IL6ST: variants seen among roughly 807,000 people sequenced by gnomAD.
IL6ST encodes interleukin 6 cytokine family signal transducer.
A neutral mutation model predicts 91.3 loss-of-function variants in IL6ST; 24 were observed. The observed-to-expected ratio is 0.26, with a 90% CI of 0.19 to 0.37. The LOEUF is 0.37. IL6ST is among the 10% of genes least tolerant of loss of function. IL6ST has a pLI of 1.00. For missense variants in IL6ST, 914 were observed against 1,078.5 expected, an observed-to-expected ratio of 0.85 and a Z score of 2.14; for synonymous variants, 351 against 373.6, an observed-to-expected ratio of 0.94 and a Z score of 0.70.
In IL6ST at chr5:55,957,206, T is replaced by C. The variant is rs755415933; in HGVS notation, c.1056+3A>G. 13 of 1,431,296 alleles carry C rather than the reference T, an allele frequency of 9.1e-6. No homozygotes were observed. The highest frequency in any genetic ancestry group is 1.2e-5 in the Non-Finnish European group (13 of 1,049,128). The allele number at this position is 1,431,296 out of a possible 1,614,324, so 88.7% of individuals were successfully genotyped here. On this transcript the variant is annotated splice_donor_region_variant and intron_variant, in intron 9 of 16. Coordinates refer to ENST00000381298, the MANE Select transcript of IL6ST (RefSeq NM_002184.4). ...GAGATAAAATATAAATGTGATTTTTTACCTTCCACACGAGTTGTACAGTTC... is the reference window on the plus strand; with the variant it reads ...GAGATAAAATATAAATGTGATTTTTCACCTTCCACACGAGTTGTACAGTTC...
chr5:55,983,254 G>A (rs1159813829), intron 1 of IL6ST, among the ~76,000 whole-genome samples: 1 of 152,008 alleles, frequency 6.6e-6, no homozygotes, highest in Non-Finnish European at 1.5e-5. Flanking sequence ...CCAAAGTGTT[G>A]GGATTACAGG....
At chr5:55,969,320 G>A (rs1752818236) in intron 4 of IL6ST, among the ~76,000 whole-genome samples, 1 of 151,520 alleles carries the variant, frequency 6.6e-6, no homozygotes, top group South Asian at 2.1e-4. Context: ...ACTTTCCTGT[G>A]GTGGGGGGGG....
chr5:55,957,218 G>T lies in IL6ST; in HGVS notation c.1047C>A (p.Leu349=). 1 of 1,493,986 alleles carries T rather than the reference G, an allele frequency of 6.7e-7. No homozygotes were observed. The highest frequency in any genetic ancestry group is 9.1e-7 in the Non-Finnish European group (1 of 1,101,340). 92.5% of individuals were successfully genotyped at this position (1,493,986 alleles called of 1,614,324 possible). A position where few individuals can be genotyped will look rare whatever the true frequency, so the allele number is the denominator to read the frequency against. The change falls in exon 9 of 17, where the codon CTC becomes CTA. Residue 349 remains leucine (L), a synonymous_variant. Transcript: ENST00000381298. ...SHTQGYRTVQ[L]VWKTLPPFEA... ...AAATGTGATTTTTTACCTTCCACAC[G>T]AGTTGTACAGTTCTGTAGCCTTGAG...
rs1209391470 is a variant in IL6ST, at chr5:55,969,764, T to C, written c.156A>G (p.Glu52=). The change falls in exon 4 of 17, where the codon GAA becomes GAG. Residue 52 remains glutamate (E), a synonymous_variant. Coordinates refer to ENST00000381298, the MANE Select transcript of IL6ST (RefSeq NM_002184.4). ...SNFTAVCVLK[E]KCMDYFHVNA... ...TTACATGAAAATAATCCATACATTT[T>C]TCCTTTAGCACACAAACTGCAGTGA... 6.2e-7 allele frequency: 1 copy of C among 1,611,560 alleles called. No homozygotes were observed. Among genetic ancestry groups the C allele is most frequent in the African/African-American group, 1.3e-5 (1 of 74,888 alleles).
intron 3 of IL6ST, among the ~76,000 whole-genome samples, chr5:55,974,696 G>A (rs1245316022): frequency 6.6e-6 from 1 of 152,090 alleles, no homozygotes; most frequent in Non-Finnish European, 1.5e-5. Flanking sequence ...ATGTTGGCCA[G>A]GCTAGTCTTG....
intron 2 of IL6ST, among the ~76,000 whole-genome samples, chr5:55,982,095 A>G (rs1030489991): frequency 1.3e-5 from 2 of 152,192 alleles, no homozygotes; most frequent in East Asian, 3.8e-4. Context: ...TCATTTCCAT[A>G]TGTTTTCTCA....
chr5:55,935,914 G>A lies in IL6ST; in HGVS notation c.*5168C>T, dbSNP rs931310489. ...TATCATACACATTAGGATAAGATGA[G>A]CCACCACACCTTAAAGAAATCAGGC... On this transcript the variant is annotated 3_prime_UTR_variant, in exon 17 of 17. Coordinates refer to ENST00000381298, the MANE Select transcript of IL6ST (RefSeq NM_002184.4). 1.4e-5 allele frequency: 3 copies of A among 219,254 alleles called. No individual in the cohort carries two copies. The highest frequency in any genetic ancestry group is 2.7e-5 in the Non-Finnish European group (3 of 109,438). The allele number at this position is 219,254 out of a possible 1,614,324, so 13.6% of individuals were successfully genotyped here. A position where few individuals can be genotyped will look rare whatever the true frequency, so the allele number is the denominator to read the frequency against.
intron 15 of IL6ST, among the ~76,000 whole-genome samples, chr5:55,945,097 C>A (rs967999448): frequency 2.0e-5 from 3 of 146,960 alleles, no homozygotes; most frequent in Non-Finnish European, 4.5e-5. Flanking sequence ...TTAAATCTGA[C>A]CTATAGATTC....
chr5:55,992,985 G>A (rs930892022), intron 1 of IL6ST, among the ~76,000 whole-genome samples: 1 of 152,136 alleles, frequency 6.6e-6, no homozygotes, highest in Non-Finnish European at 1.5e-5. Flanking sequence ...GGTAGTAATT[G>A]CTTAGTATTT....
intron 3 of IL6ST, among the ~76,000 whole-genome samples, chr5:55,971,418 C>G (rs1384135354): frequency 6.6e-6 from 1 of 152,190 alleles, no homozygotes; most frequent in East Asian, 1.9e-4. Flanking sequence ...AGTTACTGTT[C>G]TAAAATAATT....
chr5:55,969,494 A>G, intron 4 of IL6ST, 56 bp downstream of exon 4: 1 of 1,127,736 alleles, frequency 8.9e-7, no homozygotes. Flanking sequence ...GACAACATTA[A>G]AAATGCAGTT....
intron 5 of IL6ST, among the ~76,000 whole-genome samples, chr5:55,966,653 T>C (rs556995599): frequency 6.6e-6 from 1 of 152,170 alleles, no homozygotes; most frequent in Non-Finnish European, 1.5e-5. Flanking sequence ...CACTATGAAA[T>C]ACATAAAAAA....
At chr5:55,947,325 A>G (rs1484576955) in intron 15 of IL6ST, among the ~76,000 whole-genome samples, 168 bp downstream of exon 15, 1 of 152,186 alleles carries the variant, frequency 6.6e-6, no homozygotes, top group East Asian at 1.9e-4. Flanking sequence ...GAAGCTTTAT[A>G]AAAGTGATGA....
chr5:55,964,233 A>C lies in IL6ST; in HGVS notation c.571T>G (p.Phe191Val). 6.2e-7 allele frequency: 1 copy of C among 1,610,998 alleles called. No individual in the cohort carries two copies. Among genetic ancestry groups the C allele is most frequent in the Middle Eastern group, 1.7e-4 (1 of 5,758 alleles). Reference protein sequence around the residue: ...SCTVDYSTVYFVNIEVWVEAE... With the variant: ...SCTVDYSTVYVVNIEVWVEAE... ...TCTACCCAGACTTCAATGTTGACAA[A>C]ATACACAGTAGAATAATCAACAGTG... The change falls in exon 6 of 17, where the codon TTT becomes GTT. Residue 191 changes from phenylalanine to valine, a missense_variant. Physicochemically the swap from Phe to Val is conservative, Grantham distance 50 (BLOSUM62 -1). Transcript: ENST00000381298.
chr5:55,941,746 G>T lies in IL6ST; in HGVS notation c.2093C>A (p.Ala698Glu), dbSNP rs745818447. 5 of 1,613,808 alleles carry T rather than the reference G, an allele frequency of 3.1e-6. No individual in the cohort carries two copies. The South Asian group carries it at 3.3e-5, about 11-fold the overall frequency. Reference sequence around the variant, plus strand: ...TTCTGGAAAAGGCTTTTTGTCATTTGCTTCTATTTCCACAACACTTACATC... The same window carrying T: ...TTCTGGAAAAGGCTTTTTGTCATTTTCTTCTATTTCCACAACACTTACATC... ...FTDVSVVEIE[A>E]NDKKPFPEDL... Residue 698 changes from alanine to glutamate, a missense_variant, in exon 17 of 17, where the codon GCA becomes GAA. By Grantham distance (107) the Ala-to-Glu change is moderately radical. Transcript: ENST00000381298.
At chr5:55,981,146 C>T (rs926461664) in intron 2 of IL6ST, among the ~76,000 whole-genome samples, 5 of 152,188 alleles carry the variant, frequency 3.3e-5, no homozygotes, top group African/African-American at 9.6e-5. Context: ...ACAAGCAAAG[C>T]GAACTAGGCA....
At chr5:55,989,416 G>A (rs1452461730) in intron 1 of IL6ST, among the ~76,000 whole-genome samples, 4 of 152,148 alleles carry the variant, frequency 2.6e-5, no homozygotes, top group South Asian at 2.1e-4. Context: ...ACTCATGCAC[G>A]TGCACATGCA....
In IL6ST at chr5:55,938,000, G is replaced by A. The variant is rs761054947; in HGVS notation, c.*3082C>T. ...TTCTACTTCTACATTTACATGTCATGGTTTTAACTAGTTAAATGGGTAGAA... is the reference window on the plus strand; with the variant it reads ...TTCTACTTCTACATTTACATGTCATAGTTTTAACTAGTTAAATGGGTAGAA... On this transcript the variant is annotated 3_prime_UTR_variant, in exon 17 of 17. Transcript: ENST00000381298. 1.6e-5 allele frequency: 3 copies of A among 191,286 alleles called. No homozygotes were observed. Among genetic ancestry groups the A allele is most frequent in the Non-Finnish European group, 3.3e-5 (3 of 91,438 alleles). The allele number at this position is 191,286 out of a possible 1,614,324, so 11.8% of individuals were successfully genotyped here. A position where few individuals can be genotyped will look rare whatever the true frequency, so the allele number is the denominator to read the frequency against.
At chr5:55,957,320 TA>T in intron 8 of IL6ST, 29 bp from the exon 9 acceptor site, 2 of 1,154,878 alleles carry the variant, frequency 1.7e-6, no homozygotes, top group Non-Finnish European at 1.3e-6. Context: ...CTCCTTAAAA[TA>T]AAAAGGTTTT....
Sources: gnomAD v4.1 joint callset for allele counts (sites outside exome capture counted in the v4.1 genomes callset) on GRCh38, gnomAD v4.1.1 for gene constraint, MANE v1.5 for transcripts, NCBI Gene and HGNC (gene_info 2026-07-23, HGNC 2026-07-21) for gene names.